Variants in ST6GALNAC3 observed in about 807,000 individuals in gnomAD.
The protein encoded by ST6GALNAC3 is ST6 N-acetylgalactosaminide alpha-2,6-sialyltransferase 3.
In ST6GALNAC3, 25 loss-of-function variants were observed where a neutral mutation model predicts 32.7. That is an observed-to-expected ratio of 0.76 (90% CI 0.56 to 1.07). The LOEUF (loss-of-function observed/expected upper bound fraction) is 1.07, where lower values mean the gene tolerates loss of function less well. ST6GALNAC3 is among the 50% of genes least tolerant of loss of function. The pLI, the probability that ST6GALNAC3 is intolerant of heterozygous loss-of-function variation, is 0.00. For missense variants in ST6GALNAC3, 355 were observed against 382.4 expected, an observed-to-expected ratio of 0.93 and a Z score of 0.60; for synonymous variants, 129 against 133.1, an observed-to-expected ratio of 0.97 and a Z score of 0.21.
chr1:76,547,960 C>T (rs571213804), intron 3 of ST6GALNAC3, among the ~76,000 whole-genome samples: 2 of 152,218 alleles, frequency 1.3e-5, no homozygotes, highest in African/African-American at 2.4e-5. Flanking sequence ...AGCCAGCTCC[C>T]CTTGCTTTGA....
chr1:76,377,689 C>T (rs1326416924), intron 2 of ST6GALNAC3, among the ~76,000 whole-genome samples: 2 of 152,102 alleles, frequency 1.3e-5, no homozygotes, highest in African/African-American at 2.4e-5. Flanking sequence ...TTATGACCTA[C>T]TGCTTACCAC....
chr1:76,440,696 T>G (rs1265490215), intron 3 of ST6GALNAC3, among the ~76,000 whole-genome samples: 1 of 152,242 alleles, frequency 6.6e-6, no homozygotes, highest in Non-Finnish European at 1.5e-5. Flanking sequence ...ATGGAAATTT[T>G]AAACTTGTTT....
intron 3 of ST6GALNAC3, among the ~76,000 whole-genome samples, chr1:76,566,218 A>G (rs573992924): frequency 2.4e-4 from 36 of 152,302 alleles, no homozygotes; most frequent in Non-Finnish European, 3.5e-4. Context: ...TAATATATGT[A>G]ATAGCTTTCA....
chr1:76,551,488 TATTA>T (rs1180549216), intron 3 of ST6GALNAC3, among the ~76,000 whole-genome samples: 1 of 152,230 alleles, frequency 6.6e-6, no homozygotes, highest in African/African-American at 2.4e-5. Flanking sequence ...TTTTTCATCT[TATTA>T]ATTATTATTA....
intron 3 of ST6GALNAC3, among the ~76,000 whole-genome samples, chr1:76,546,815 G>T (rs1664326223): frequency 6.6e-6 from 1 of 152,210 alleles, no homozygotes; most frequent in Non-Finnish European, 1.5e-5. Flanking sequence ...TTCCTCTGTG[G>T]ACAGTTGTAG....
At chr1:76,332,523 G>A (rs531424495) in intron 2 of ST6GALNAC3, among the ~76,000 whole-genome samples, 1 of 152,038 alleles carries the variant, frequency 6.6e-6, no homozygotes, top group Non-Finnish European at 1.5e-5. Flanking sequence ...CTACTTCCTT[G>A]GAAAGAAATA....
At chr1:76,172,601 CA>C (rs138420700) in intron 1 of ST6GALNAC3, among the ~76,000 whole-genome samples, 107,777 of 152,044 alleles carry the variant, frequency 0.71, 40,242 homozygotes, top group East Asian at 0.94. Flanking sequence ...CACCTCAGCC[CA>C]AAAACTTCTT....
chr1:76,434,815 G>C (rs750527443), intron 3 of ST6GALNAC3, among the ~76,000 whole-genome samples: 12 of 108,934 alleles, frequency 1.1e-4, no homozygotes, highest in Non-Finnish European at 1.8e-4. Context: ...TTTTGAGACA[G>C]GGTTTCACTC....
chr1:76,300,522 G>A (rs1164340113), intron 1 of ST6GALNAC3, among the ~76,000 whole-genome samples: 6 of 152,034 alleles, frequency 3.9e-5, no homozygotes, highest in Admixed American at 6.6e-5. Flanking sequence ...CTTGTGGTCA[G>A]ACAGCTTGTA....
chr1:76,559,406 TA>T (rs1444125800), intron 3 of ST6GALNAC3, among the ~76,000 whole-genome samples: 2 of 152,136 alleles, frequency 1.3e-5, no homozygotes, highest in East Asian at 3.8e-4. Context: ...ATGGAGGATA[TA>T]AAACTCCTGC....
Position 76,509,809 on chromosome 1 carries a change from G to A in ST6GALNAC3, c.623+97392G>A, listed in dbSNP as rs192838620. Among the ~76,000 whole-genome samples, 12 of 152,156 alleles carry A rather than the reference G, an allele frequency of 7.9e-5. No individual in the cohort carries two copies. Among genetic ancestry groups the A allele is most frequent in the African/African-American group, 2.9e-4 (12 of 41,508 alleles). The stretch of plus-strand genomic sequence containing the variant: ...TCACATATCTTTTCCTCACATTGCT[G>A]TTTCTCTATTTCTCTTTTAAGGACC... On this transcript the variant is annotated intron_variant, in intron 3 of 4. Transcript: ENST00000328299. This position sits in a 1 kb window ranked among gnomAD's most constrained non-coding sequence, Gnocchi z 5.5.
intron 3 of ST6GALNAC3, among the ~76,000 whole-genome samples, chr1:76,511,482 T>TC (rs1661858458): frequency 6.6e-6 from 1 of 152,148 alleles, no homozygotes; most frequent in African/African-American, 2.4e-5. Flanking sequence ...GCGGTGCCCC[T>TC]CCCCTTTCCT....
chr1:76,084,458 T>TG, intron 1 of ST6GALNAC3, among the ~76,000 whole-genome samples: 1 of 152,296 alleles, frequency 6.6e-6, no homozygotes, highest in African/African-American at 2.4e-5. Flanking sequence ...TGTGAACTCC[T>TG]GGAGGCTTTG....
rs539059855 is a variant in ST6GALNAC3, at chr1:76,337,629, G to T, written c.213+23630G>T. Among the ~76,000 whole-genome samples the T allele has an allele frequency of 3.3e-5, 5 of 152,212 alleles. No homozygotes were observed. The South Asian group carries it at 6.2e-4, about 19-fold the overall frequency. On this transcript the variant is annotated intron_variant, in intron 2 of 4. Coordinates refer to ENST00000328299, the MANE Select transcript of ST6GALNAC3 (RefSeq NM_152996.4). ...TCTCCTGGGTGCTAGTTAGAAATGGGGAATCCCCTGGCCCAGTCCAGACCT... is the reference window on the plus strand; with the variant it reads ...TCTCCTGGGTGCTAGTTAGAAATGGTGAATCCCCTGGCCCAGTCCAGACCT...
intron 3 of ST6GALNAC3, among the ~76,000 whole-genome samples, chr1:76,415,171 C>CTTTTTTTTTTTTTTTTTT (rs71072000): frequency 1.4e-5 from 1 of 70,462 alleles, no homozygotes. Flanking sequence ...GGATTCATGT[C>CTTTTTTTTTTTTTTTTTT]TTTTTTTTTT....
At chr1:76,083,513 C>A (rs1219888332) in intron 1 of ST6GALNAC3, among the ~76,000 whole-genome samples, 4 of 152,164 alleles carry the variant, frequency 2.6e-5, no homozygotes, top group Middle Eastern at 3.2e-3. Flanking sequence ...AGAGCTAGAC[C>A]GACTCTGAGT....
intron 1 of ST6GALNAC3, among the ~76,000 whole-genome samples, chr1:76,220,768 G>T (rs1448927897): frequency 6.6e-6 from 1 of 152,148 alleles, no homozygotes; most frequent in African/African-American, 2.4e-5. Flanking sequence ...GCCTGGAGTG[G>T]GCAGCCAGCC....
rs549350399 is a variant in ST6GALNAC3 at position 76,629,013 on chromosome 1, T to C, written c.*207T>C. 18 of 1,375,814 alleles carry C rather than the reference T, an allele frequency of 1.3e-5. No individual in the cohort carries two copies. In the South Asian group the frequency reaches 2.8e-4, roughly 21 times the overall value. 85.2% of individuals were successfully genotyped at this position (1,375,814 alleles called of 1,614,324 possible). A position where few individuals can be genotyped will look rare whatever the true frequency, so the allele number is the denominator to read the frequency against. Reference sequence around the variant, plus strand: ...GGATGGTTGTGCTCATGATGTTCTTTCTGGAGGTTCAACACTACGTACCGC... The same window carrying C: ...GGATGGTTGTGCTCATGATGTTCTTCCTGGAGGTTCAACACTACGTACCGC... On this transcript the variant is annotated 3_prime_UTR_variant, in exon 5 of 5. Coordinates refer to ENST00000328299, the MANE Select transcript of ST6GALNAC3 (RefSeq NM_152996.4).
At chr1:76,289,126 C>T (rs1466276984) in intron 1 of ST6GALNAC3, among the ~76,000 whole-genome samples, 1 of 152,214 alleles carries the variant, frequency 6.6e-6, no homozygotes, top group Non-Finnish European at 1.5e-5. Flanking sequence ...CCTTATGTTA[C>T]TTACACTTTG....
Sources: allele counts gnomAD v4.1 joint callset (sites outside exome capture counted in the v4.1 genomes callset), GRCh38; gene constraint gnomAD v4.1.1; non-coding constraint Gnocchi (gnomAD v3.1); transcripts MANE v1.5; gene names NCBI Gene and HGNC (gene_info 2026-07-23, HGNC 2026-07-21).